Variants in CNTNAP2 observed in about 807,000 individuals in gnomAD.
CNTNAP2 encodes contactin-associated protein-like 2.
In CNTNAP2, 98 loss-of-function variants were observed where a neutral mutation model predicts 155.2. That is an observed-to-expected ratio of 0.63 (90% CI 0.54 to 0.75). The LOEUF (loss-of-function observed/expected upper bound fraction) is 0.75, where lower values mean the gene tolerates loss of function less well. Ranked by LOEUF, CNTNAP2 falls within the 30% of genes least tolerant of loss-of-function variation. CNTNAP2 has a pLI of 0.00. For synonymous variants in CNTNAP2, 651 were observed against 631.2 expected (o/e 1.03, Z -0.47); for missense variants, 1,727 against 1,688.1 (o/e 1.02, Z -0.40).
At chr7:146,843,678 T>C (rs1166159547) in intron 3 of CNTNAP2, among the ~76,000 whole-genome samples, 1 of 151,774 alleles carries the variant, frequency 6.6e-6, no homozygotes, top group Non-Finnish European at 1.5e-5. Context: ...TTCTTGAATA[T>C]TTTAGGGCTA....
At chr7:146,648,430 C>A (rs1473656975) in intron 1 of CNTNAP2, among the ~76,000 whole-genome samples, 1 of 151,636 alleles carries the variant, frequency 6.6e-6, no homozygotes, top group Non-Finnish European at 1.5e-5. Flanking sequence ...ATTAGAAAAA[C>A]TTTTTACCTG....
chr7:147,560,938 A>C (rs1800050766), intron 11 of CNTNAP2, among the ~76,000 whole-genome samples: 1 of 151,614 alleles, frequency 6.6e-6, no homozygotes, highest in South Asian at 2.1e-4. Context: ...CCAGAATCAG[A>C]CCACCCATGA....
intron 9 of CNTNAP2, among the ~76,000 whole-genome samples, chr7:147,372,087 G>A (rs1041945524): frequency 5.9e-5 from 9 of 152,036 alleles, no homozygotes; most frequent in African/African-American, 1.2e-4. Flanking sequence ...AAAACATTTC[G>A]AATATTTTCC....
intron 1 of CNTNAP2, among the ~76,000 whole-genome samples, chr7:146,359,540 A>G (rs1795051670): frequency 1.3e-5 from 2 of 152,206 alleles, no homozygotes; most frequent in South Asian, 2.1e-4. Context: ...GCCATGGCTG[A>G]TTGCCGCTGC....
intron 22 of CNTNAP2, 130 bp from the exon 23 acceptor site, chr7:148,409,261 T>C: frequency 1.3e-6 from 1 of 741,398 alleles, no homozygotes; most frequent in Non-Finnish European, 2.4e-6. Flanking sequence ...GCAAGACGGG[T>C]CCATCTGAAA....
At chr7:147,493,411 T>G (rs964342808) in intron 11 of CNTNAP2, among the ~76,000 whole-genome samples, 2 of 152,154 alleles carry the variant, frequency 1.3e-5, no homozygotes, top group African/African-American at 4.8e-5. Context: ...TGTCAGATGC[T>G]CAGTGTGTCC....
chr7:147,180,034 C>T (rs928335202), intron 8 of CNTNAP2, among the ~76,000 whole-genome samples: 1 of 152,110 alleles, frequency 6.6e-6, no homozygotes, highest in African/African-American at 2.4e-5. Context: ...AGTCATTTTA[C>T]GAAGGGTGAC....
intron 17 of CNTNAP2, among the ~76,000 whole-genome samples, chr7:148,149,356 G>T (rs891412946): frequency 3.3e-5 from 5 of 152,058 alleles, no homozygotes; most frequent in African/African-American, 1.2e-4. Flanking sequence ...AAGAGCAAGG[G>T]CCTGAGATCA....
chr7:146,151,678 A>G (rs369943998), intron 1 of CNTNAP2, among the ~76,000 whole-genome samples: 2,942 of 23,742 alleles, frequency 0.12, 133 homozygotes, highest in Middle Eastern at 0.19. Context: ...ATATATATAT[A>G]TATGTATATA....
intron 1 of CNTNAP2, among the ~76,000 whole-genome samples, chr7:146,224,773 A>T (rs1425323013): frequency 6.6e-6 from 1 of 152,130 alleles, no homozygotes; most frequent in Non-Finnish European, 1.5e-5. Flanking sequence ...CGTCTCAAAA[A>T]CAAACAAACA....
At chr7:148,258,685 G>A (rs34979129) in intron 20 of CNTNAP2, among the ~76,000 whole-genome samples, 22,113 of 152,090 alleles carry the variant, frequency 0.15, 2,022 homozygotes, top group Admixed American at 0.2. Context: ...ATCTGCATCA[G>A]CCTCTTCTTA....
chr7:147,976,864 T>A (rs899433877), intron 14 of CNTNAP2, among the ~76,000 whole-genome samples: 1 of 152,078 alleles, frequency 6.6e-6, no homozygotes, highest in African/African-American at 2.4e-5. Context: ...ATTTTTCTGA[T>A]GAGTTCTATG....
At chr7:148,293,067 C>CA (rs1480937667) in intron 21 of CNTNAP2, among the ~76,000 whole-genome samples, 12 of 104,578 alleles carry the variant, frequency 1.1e-4, no homozygotes, top group Non-Finnish European at 2.0e-4. Context: ...TCGTGATTGA[C>CA]AAAAAATAAA....
At chr7:147,362,628 T>C (rs1796164338) in intron 9 of CNTNAP2, among the ~76,000 whole-genome samples, 1 of 152,200 alleles carries the variant, frequency 6.6e-6, no homozygotes, top group Non-Finnish European at 1.5e-5. Context: ...CTGAATGTTC[T>C]TTACTCCTAT....
chr7:146,737,682 T>C (rs929646465), intron 1 of CNTNAP2, among the ~76,000 whole-genome samples: 1 of 152,248 alleles, frequency 6.6e-6, no homozygotes. Context: ...TTTTTTCATA[T>C]ACCTGTTGGC....
chr7:147,508,086 T>C (rs1199153346), intron 11 of CNTNAP2, among the ~76,000 whole-genome samples: 1 of 152,188 alleles, frequency 6.6e-6, no homozygotes, highest in East Asian at 1.9e-4. Context: ...AGTGATTCCT[T>C]CATCCATATT....
chr7:147,823,995 C>T (rs975017666), intron 13 of CNTNAP2, among the ~76,000 whole-genome samples: 1 of 152,138 alleles, frequency 6.6e-6, no homozygotes, highest in Non-Finnish European at 1.5e-5. Context: ...TTCTAGCAGA[C>T]ATCAAGGCAT....
intron 1 of CNTNAP2, among the ~76,000 whole-genome samples, chr7:146,155,116 G>A (rs1798105573): frequency 6.6e-6 from 1 of 152,160 alleles, no homozygotes; most frequent in Non-Finnish European, 1.5e-5. Context: ...GGCTTTGAAA[G>A]CCTGAATAAT....
At chr7:147,004,636 G>A (rs888017539) in intron 3 of CNTNAP2, among the ~76,000 whole-genome samples, 12 of 151,898 alleles carry the variant, frequency 7.9e-5, no homozygotes, top group South Asian at 2.1e-4. Flanking sequence ...ATCGTATGGC[G>A]GAGTTGAAAG....
Sources: gnomAD v4.1 joint callset for allele counts (sites outside exome capture counted in the v4.1 genomes callset) on GRCh38, gnomAD v4.1.1 for gene constraint, MANE v1.5 for transcripts, NCBI Gene and HGNC (gene_info 2026-07-23, HGNC 2026-07-21) for gene names.